Variants in UNC79 observed in about 807,000 individuals in gnomAD.
UNC79 encodes the protein protein unc-79 homolog.
A neutral mutation model predicts 283.1 loss-of-function variants in UNC79; 37 were observed. That is an observed-to-expected ratio of 0.13 (90% CI 0.10 to 0.17). UNC79 has a LOEUF of 0.17. Among genes scored for constraint, UNC79 ranks in the 10% least tolerant of loss-of-function variants. The pLI is 1.00. For synonymous variants in UNC79, 1,107 were observed against 1,200.2 expected, an observed-to-expected ratio of 0.92 and a Z score of 1.61; for missense variants, 2,272 against 3,211.1, an observed-to-expected ratio of 0.71 and a Z score of 7.07.
At chr14:93,664,317 G>A (rs751188199) in intron 40 of UNC79, among the ~76,000 whole-genome samples, 20 of 152,140 alleles carry the variant, frequency 1.3e-4, no homozygotes, top group Non-Finnish European at 2.1e-4. Context: ...AGGAACACTG[G>A]ATGAAATGTA....
chr14:93,381,128 T>A (rs1254677450), intron 1 of UNC79, among the ~76,000 whole-genome samples: 1 of 152,200 alleles, frequency 6.6e-6, no homozygotes, highest in Non-Finnish European at 1.5e-5. Context: ...GACCCCAAGA[T>A]AAAGGTACTA....
Position 93,474,348 on chromosome 14 carries a change from G to C in UNC79, c.403G>C (p.Val135Leu). The C allele has an allele frequency of 6.5e-7, 1 of 1,535,996 alleles. No individual in the cohort carries two copies. The highest frequency in any genetic ancestry group is 8.7e-7 in the Non-Finnish European group (1 of 1,146,846). Reference sequence around the variant, plus strand: ...CTACCAAGGCCTCTACGTGACTTTGGTGACCCTCCTGGATCTAGTTCCTTT... The same window carrying C: ...CTACCAAGGCCTCTACGTGACTTTGCTGACCCTCCTGGATCTAGTTCCTTT... The change falls in exon 3 of 49, where the codon GTG becomes CTG. Residue 135 changes from valine to leucine, a missense_variant. Coordinates refer to ENST00000555664, the Ensembl canonical transcript of UNC79. The surrounding 1 kb of genome is among the most constrained non-coding windows in gnomAD (Gnocchi z 4.1).
At chr14:93,370,644 T>TCGGGC (rs1425920922) in intron 1 of UNC79, among the ~76,000 whole-genome samples, 1 of 152,114 alleles carries the variant, frequency 6.6e-6, no homozygotes. Flanking sequence ...TGGTGGTACA[T>TCGGGC]GCCTGTAGTC....
At chr14:93,524,108 G>C in intron 8 of UNC79, 66 bp downstream of exon 8, 1 of 1,549,190 alleles carries the variant, frequency 6.5e-7, no homozygotes, top group Non-Finnish European at 8.9e-7. Context: ...ATGAAGTGGA[G>C]TAGATTGCAT....
At chr14:93,456,891 C>A (rs1208578611) in intron 1 of UNC79, among the ~76,000 whole-genome samples, 1 of 152,180 alleles carries the variant, frequency 6.6e-6, no homozygotes, top group Non-Finnish European at 1.5e-5. Context: ...CTCACTCCAT[C>A]CTTGAAGATA....
chr14:93,546,121 C>A (rs191968030), intron 14 of UNC79, among the ~76,000 whole-genome samples: 1 of 152,102 alleles, frequency 6.6e-6, no homozygotes, highest in Non-Finnish European at 1.5e-5. Flanking sequence ...TGATGTTATC[C>A]GCAGGAATAA....
chr14:93,664,036 T>C (rs2071890227), intron 40 of UNC79, among the ~76,000 whole-genome samples: 2 of 152,170 alleles, frequency 1.3e-5, no homozygotes, highest in East Asian at 3.9e-4. Context: ...CTCATAACTT[T>C]AGTGGCCTTT....
At chr14:93,380,892 AAT>A (rs2054652639) in intron 1 of UNC79, among the ~76,000 whole-genome samples, 1 of 152,228 alleles carries the variant, frequency 6.6e-6, no homozygotes, top group African/African-American at 2.4e-5. Flanking sequence ...GTATGAAATT[AAT>A]ATAGTTTCTG....
Position 93,621,997 on chromosome 14 carries a change from T to C in UNC79, c.4764T>C (p.Thr1588=). ...AGGTTAGGTTAAACTGTATGGAGAC[T>C]TTCGAGGTGAAAGTTGACTCGCCGG... is the stretch of plus-strand genomic sequence containing the variant. Residue 1588 remains threonine, a synonymous_variant, in exon 30 of 49, where the codon ACT becomes ACC. Transcript: ENST00000555664. This position sits in a 1 kb window ranked among gnomAD's most constrained non-coding sequence, Gnocchi z 4.8. 5 of 1,614,048 alleles carry C rather than the reference T, an allele frequency of 3.1e-6. No individual in the cohort carries two copies. Among genetic ancestry groups the C allele is most frequent in the Non-Finnish European group, 4.2e-6 (5 of 1,180,010 alleles).
intron 1 of UNC79, among the ~76,000 whole-genome samples, chr14:93,349,656 G>T (rs908320218): frequency 6.6e-6 from 1 of 152,136 alleles, no homozygotes; most frequent in Non-Finnish European, 1.5e-5. Context: ...TCCACAGGCT[G>T]GCTGCACGTA....
chr14:93,548,795 A>C (rs2061730756), intron 14 of UNC79, among the ~76,000 whole-genome samples: 1 of 152,222 alleles, frequency 6.6e-6, no homozygotes, highest in Non-Finnish European at 1.5e-5. Flanking sequence ...TACTTTGCAC[A>C]CAGAGGTTTT....
intron 1 of UNC79, among the ~76,000 whole-genome samples, chr14:93,441,181 G>A (rs990836860): frequency 2.0e-5 from 3 of 151,974 alleles, no homozygotes; most frequent in African/African-American, 4.8e-5. Context: ...ATTATAAAGG[G>A]CACTTCTTTA....
At chr14:93,652,175 A>G (rs1446021870) in intron 35 of UNC79, among the ~76,000 whole-genome samples, 3 of 151,942 alleles carry the variant, frequency 2.0e-5, no homozygotes, top group African/African-American at 7.2e-5. Flanking sequence ...AGTATTCAAT[A>G]TTTACTATTA....
At chr14:93,459,408 A>G (rs1297552867) in intron 1 of UNC79, among the ~76,000 whole-genome samples, 1 of 152,264 alleles carries the variant, frequency 6.6e-6, no homozygotes, top group Non-Finnish European at 1.5e-5. Context: ...TATTCTAAAT[A>G]GTCTAATATT....
At position 93,625,044 on chromosome 14, in the gene UNC79, C is replaced by T. The variant is rs116453634; in HGVS notation, c.5608+2203C>T. ...CCTTCTGTTCTGAAGCTTTCTCCTTCGTTACCCTGACTCCTGAAACCCTTC... is the reference window on the plus strand; with the variant it reads ...CCTTCTGTTCTGAAGCTTTCTCCTTTGTTACCCTGACTCCTGAAACCCTTC... On this transcript the variant is annotated intron_variant, in intron 30 of 48. Transcript: ENST00000555664. 4.3e-3 allele frequency among the ~76,000 whole-genome samples: 652 copies of T among 152,346 alleles called. 2 individuals carry two copies. The highest frequency in any genetic ancestry group is 0.015 in the African/African-American group (619 of 41,568).
At chr14:93,704,532 G>C (rs2075742389) in intron 47 of UNC79, 93 bp from the exon 51 acceptor site, 1 of 1,406,024 alleles carries the variant, frequency 7.1e-7, no homozygotes, top group South Asian at 1.2e-5. Flanking sequence ...ACGTGAAAGG[G>C]ATTCAATGTG....
At chr14:93,374,354 T>A (rs532539713) in intron 1 of UNC79, among the ~76,000 whole-genome samples, 3 of 152,304 alleles carry the variant, frequency 2.0e-5, no homozygotes, top group African/African-American at 7.2e-5. Flanking sequence ...CTTGCCCCAG[T>A]GTGTTCAGTA....
At chr14:93,582,464 C>T (rs2063890924) in intron 20 of UNC79, 120 bp downstream of exon 20, 1 of 1,383,488 alleles carries the variant, frequency 7.2e-7, no homozygotes, top group Non-Finnish European at 9.6e-7. Context: ...TTAGTATAGA[C>T]TCGTGCAGAG....
At chr14:93,380,592 A>T (rs2054646389) in intron 1 of UNC79, among the ~76,000 whole-genome samples, 1 of 152,214 alleles carries the variant, frequency 6.6e-6, no homozygotes, top group Admixed American at 6.5e-5. Context: ...GAACTTTTGC[A>T]GTAAGAGCTT....
Sources: allele counts gnomAD v4.1 joint callset (sites outside exome capture counted in the v4.1 genomes callset), GRCh38; gene constraint gnomAD v4.1.1; non-coding constraint Gnocchi (gnomAD v3.1); transcripts MANE v1.5; gene names NCBI Gene and HGNC (gene_info 2026-07-23, HGNC 2026-07-21).